Variants in COL4A2 observed in about 807,000 individuals in gnomAD.
COL4A2 encodes the protein collagen type IV alpha 2 chain.
In COL4A2, 99 loss-of-function variants were observed where a neutral mutation model predicts 200.2. The ratio of observed to expected loss-of-function variants is 0.49; its 90% confidence interval spans 0.42 to 0.58. The LOEUF (loss-of-function observed/expected upper bound fraction) is 0.58. Ranked by LOEUF, COL4A2 falls within the 20% of genes least tolerant of loss-of-function variation. COL4A2 has a pLI of 0.00. For synonymous variants in COL4A2, 897 were observed against 900.6 expected (o/e 1.00, Z 0.07); for missense variants, 1,950 against 2,314.1 (o/e 0.84, Z 3.23).
chr13:110,495,396 A>G lies in COL4A2; in HGVS notation c.3689A>G (p.Asp1230Gly), dbSNP rs1883424275. ...CCAGGCCCTCCTGGGGAAAGAGGTGACCCAGGAGAGGCCAACACCCTTCCA... is the reference window on the plus strand; with the variant it reads ...CCAGGCCCTCCTGGGGAAAGAGGTGGCCCAGGAGAGGCCAACACCCTTCCA... ...GFPGPPGERGDPGEANTLPGP... is the reference protein window; with the variant it reads ...GFPGPPGERGGPGEANTLPGP... The change falls in exon 40 of 48, where the codon GAC becomes GGC. Residue 1230 changes from aspartate to glycine, a missense_variant. Asp to Gly is a moderately conservative substitution (Grantham distance 94). Coordinates refer to ENST00000360467, the MANE Select transcript of COL4A2 (RefSeq NM_001846.4). 3 of 1,613,858 alleles carry G rather than the reference A, an allele frequency of 1.9e-6. No individual in the cohort carries two copies. The highest frequency in any genetic ancestry group is 1.7e-5 in the Admixed American group (1 of 59,988).
chr13:110,474,937 TGCCTGTGCACACACGA>T, intron 29 of COL4A2, among the ~76,000 whole-genome samples: 1 of 69,742 alleles, frequency 1.4e-5, no homozygotes, highest in Non-Finnish European at 3.3e-5. Context: ...CCCACACACG[TGCCTGTGCACACACGA>T]TCACACACAC....
At chr13:110,387,452 G>A (rs1251408802) in intron 4 of COL4A2, among the ~76,000 whole-genome samples, 1 of 152,216 alleles carries the variant, frequency 6.6e-6, no homozygotes, top group Non-Finnish European at 1.5e-5. Context: ...TGTTTCCGTG[G>A]CCAGAGGGAT....
intron 4 of COL4A2, among the ~76,000 whole-genome samples, chr13:110,380,746 T>TGCTCTGTCTCACACCCACGG (rs1878437365): frequency 7.2e-6 from 1 of 138,866 alleles, no homozygotes; most frequent in Non-Finnish European, 1.6e-5. Context: ...CATACCCACG[T>TGCTCTGTCTCACACCCACGG]GCTCTGTCTC....
At chr13:110,407,706 G>T (rs1031077927) in intron 4 of COL4A2, among the ~76,000 whole-genome samples, 2 of 152,128 alleles carry the variant, frequency 1.3e-5, no homozygotes, top group African/African-American at 4.8e-5. Flanking sequence ...GGAAGGAGGT[G>T]CTGGGAATGC....
At chr13:110,505,502 G>T (rs1007851766) in intron 45 of COL4A2, among the ~76,000 whole-genome samples, 1 of 152,130 alleles carries the variant, frequency 6.6e-6, no homozygotes, top group Non-Finnish European at 1.5e-5. Flanking sequence ...ATGGGAGCCC[G>T]CCCAGGGTAG....
At chr13:110,431,792 C>CT (rs1880689787) in intron 10 of COL4A2, among the ~76,000 whole-genome samples, 4 of 152,360 alleles carry the variant, frequency 2.6e-5, no homozygotes, top group Admixed American at 2.0e-4. Flanking sequence ...CTTAAACACT[C>CT]TTCCCCTGCA....
chr13:110,376,820 A>C (rs1878257056), intron 4 of COL4A2, among the ~76,000 whole-genome samples: 1 of 152,156 alleles, frequency 6.6e-6, no homozygotes, highest in Non-Finnish European at 1.5e-5. Context: ...AGTCGAGGCC[A>C]GGCCGAGTGC....
intron 31 of COL4A2, 36 bp from the exon 32 acceptor site, chr13:110,482,480 A>G (rs370306986): frequency 1.3e-6 from 2 of 1,599,122 alleles, no homozygotes. Flanking sequence ...CATTTTATTC[A>G]TGTCTAACCC....
intron 4 of COL4A2, among the ~76,000 whole-genome samples, chr13:110,411,440 C>A (rs895795146): frequency 2.0e-5 from 3 of 151,852 alleles, no homozygotes; most frequent in Admixed American, 6.5e-5. Flanking sequence ...GCTCCAGGGG[C>A]CTCCTCTGCA....
intron 28 of COL4A2, among the ~76,000 whole-genome samples, chr13:110,469,972 TGG>T (rs1163416120): frequency 2.1e-5 from 3 of 142,538 alleles, no homozygotes; most frequent in Non-Finnish European, 4.5e-5. Context: ...TGGAGTGCAG[TGG>T]CACAATCTCA....
intron 3 of COL4A2, among the ~76,000 whole-genome samples, chr13:110,313,562 C>T (rs867119790): frequency 1.2e-5 from 1 of 82,284 alleles, no homozygotes; most frequent in Non-Finnish European, 2.7e-5. Context: ...CCGGCAGGCT[C>T]CCACCCCAGT....
At chr13:110,474,207 C>A (rs1050306321) in intron 29 of COL4A2, among the ~76,000 whole-genome samples, 1 of 152,142 alleles carries the variant, frequency 6.6e-6, no homozygotes, top group Non-Finnish European at 1.5e-5. Flanking sequence ...ATGGCATTGT[C>A]GTTAGTCCCT....
At chr13:110,496,617 G>A (rs7995520) in intron 40 of COL4A2, among the ~76,000 whole-genome samples, 2 of 102,532 alleles carry the variant, frequency 2.0e-5, no homozygotes, top group African/African-American at 3.8e-5. Context: ...GTCAGTCCAC[G>A]AGCACAGCCT....
intron 22 of COL4A2, among the ~76,000 whole-genome samples, chr13:110,460,963 C>T (rs572103301): frequency 6.6e-6 from 1 of 152,326 alleles, no homozygotes; most frequent in South Asian, 2.1e-4. Context: ...TTACTTTCAA[C>T]ATTGCATTTA....
At chr13:110,357,763 G>A (rs753097413) in intron 4 of COL4A2, among the ~76,000 whole-genome samples, 3 of 152,178 alleles carry the variant, frequency 2.0e-5, no homozygotes, top group Non-Finnish European at 2.9e-5. Flanking sequence ...AAACCTGTAC[G>A]TAGGCAGTTG....
chr13:110,474,759 C>CCTG (rs1555331535), intron 29 of COL4A2, among the ~76,000 whole-genome samples: 2 of 56,556 alleles, frequency 3.5e-5, no homozygotes, highest in Non-Finnish European at 7.9e-5. Context: ...CACACTCACA[C>CCTG]ATCACACACG....
In COL4A2 at chr13:110,512,483, T is replaced by C; in HGVS notation, c.*292T>C. ...CAGCTAACCACTTCGCACACACCCA[T>C]GTAACCACTGCACTTTCCAATGCCA... On this transcript the variant is annotated 3_prime_UTR_variant, in exon 48 of 48. Coordinates refer to ENST00000360467, the MANE Select transcript of COL4A2 (RefSeq NM_001846.4). The C allele has an allele frequency of 2.2e-6, 1 of 459,746 alleles. No individual in the cohort carries two copies. The highest frequency in any genetic ancestry group is 3.9e-6 in the Non-Finnish European group (1 of 258,284). The allele number at this position is 459,746 out of a possible 1,614,324, so 28.5% of individuals were successfully genotyped here. A position where few individuals can be genotyped will look rare whatever the true frequency, so the allele number is the denominator to read the frequency against.
intron 40 of COL4A2, 78 bp from the exon 41 acceptor site, chr13:110,501,590 A>C: frequency 8.2e-7 from 1 of 1,216,278 alleles, no homozygotes; most frequent in Non-Finnish European, 1.2e-6. Context: ...ACCACAGGTG[A>C]TGGTGTGGAG....
chr13:110,508,373 A>G lies in COL4A2; in HGVS notation c.4881+152A>G. On this transcript the variant is annotated intron_variant, in intron 47 of 47. Coordinates refer to ENST00000360467, the MANE Select transcript of COL4A2 (RefSeq NM_001846.4). The surrounding 1 kb of genome is among the most constrained non-coding windows in gnomAD (Gnocchi z 6.1). ...CCAGGAAGCGAGCGAGAGCTGGAAC[A>G]CAGCTTACACTTGGCTAACTGAGCC... 1.6e-6 allele frequency: 2 copies of G among 1,240,976 alleles called. No homozygotes were observed. Among genetic ancestry groups the G allele is most frequent in the Non-Finnish European group, 2.2e-6 (2 of 900,026 alleles). 76.9% of individuals were successfully genotyped at this position (1,240,976 alleles called of 1,614,324 possible).
Sources: gnomAD v4.1 joint callset for allele counts (sites outside exome capture counted in the v4.1 genomes callset) on GRCh38, gnomAD v4.1.1 for gene constraint, Gnocchi (gnomAD v3.1) non-coding constraint, MANE v1.5 for transcripts, NCBI Gene and HGNC (gene_info 2026-07-23, HGNC 2026-07-21) for gene names.